The following SH3BGRL variants were observed in gnomAD, a reference collection of about 807,000 sequenced individuals.
The protein encoded by SH3BGRL is adapter SH3BGRL.
Under a neutral mutation model 9.8 loss-of-function variants are expected in SH3BGRL, and 7 were observed. That is an observed-to-expected ratio of 0.72 (90% CI 0.41 to 1.35). The LOEUF is 1.35. Among genes scored for constraint, SH3BGRL ranks in the 40% most tolerant of loss-of-function variants. The pLI is 0.01. For missense variants in SH3BGRL, 73 were observed against 84.4 expected (o/e 0.86, Z 0.53); for synonymous variants, 36 against 29.1 (o/e 1.24, Z -0.76).
chrX:81,246,878 TGAATCTGTA>T (rs2075691494), intron 1 of SH3BGRL, among the ~76,000 whole-genome samples: 1 of 112,414 alleles, frequency 8.9e-6, no homozygotes, highest in Non-Finnish European at 1.9e-5. Flanking sequence ...GCAATAACAT[TGAATCTGTA>T]GATTTCTTTA....
intron 1 of SH3BGRL, among the ~76,000 whole-genome samples, chrX:81,214,724 G>C (rs1461023619): frequency 8.9e-6 from 1 of 111,842 alleles, no homozygotes; most frequent in African/African-American, 3.2e-5. Context: ...ATTTCAAAAA[G>C]CATTTTATTA....
At chrX:81,218,071 C>A (rs934887197) in intron 1 of SH3BGRL, among the ~76,000 whole-genome samples, 1 of 110,791 alleles carries the variant, frequency 9.0e-6, no homozygotes, top group Non-Finnish European at 1.9e-5. Context: ...AATAACTACT[C>A]CTGCTTGCTT....
intron 1 of SH3BGRL, among the ~76,000 whole-genome samples, chrX:81,208,178 C>A (rs1007317755): frequency 1.8e-5 from 2 of 111,070 alleles, no homozygotes; most frequent in Non-Finnish European, 1.9e-5. Context: ...AGGAGAATGG[C>A]CTGAACCCGG....
chrX:81,280,647 A>G (rs1030167063), intron 3 of SH3BGRL, among the ~76,000 whole-genome samples: 5 of 112,004 alleles, frequency 4.5e-5, no homozygotes, highest in Admixed American at 9.4e-5. Context: ...GGAGCACCCC[A>G]TGGGACAAAA....
chrX:81,232,536 T>G (rs2075636047), intron 1 of SH3BGRL, among the ~76,000 whole-genome samples: 1 of 110,857 alleles, frequency 9.0e-6, no homozygotes, highest in Non-Finnish European at 1.9e-5. Context: ...CTCCCAGAAT[T>G]GTTTTTGTTA....
chrX:81,286,523 A>AG (rs1569370947), intron 3 of SH3BGRL, among the ~76,000 whole-genome samples: 2 of 91,374 alleles, frequency 2.2e-5, no homozygotes, highest in African/African-American at 7.4e-5. Flanking sequence ...AAAAAAAAAA[A>AG]AGAGAGGGGA....
chrX:81,226,486 A>G (rs188451581), intron 1 of SH3BGRL, among the ~76,000 whole-genome samples: 2,391 of 102,668 alleles, frequency 0.023, 41 homozygotes, highest in South Asian at 0.15. Flanking sequence ...AGTCTTGGAT[A>G]TATTTATATA....
chrX:81,297,118 G>T, intron 3 of SH3BGRL, 77 bp from the exon 4 acceptor site: 1 of 861,430 alleles, frequency 1.2e-6, no homozygotes, highest in Non-Finnish European at 1.7e-6. Context: ...TGGAACTAAT[G>T]TAGTCTGACT....
intron 1 of SH3BGRL, among the ~76,000 whole-genome samples, chrX:81,269,403 G>A (rs1013652410): frequency 6.3e-5 from 7 of 111,674 alleles, no homozygotes; most frequent in Non-Finnish European, 1.3e-4. Context: ...CTCTTTTAGG[G>A]CAGGCCTGGT....
At chrX:81,292,499 G>A (rs1412225454) in intron 3 of SH3BGRL, among the ~76,000 whole-genome samples, 1 of 111,959 alleles carries the variant, frequency 8.9e-6, no homozygotes, top group East Asian at 2.8e-4. Context: ...GGCTTTTGAT[G>A]GCAGGGGCTG....
intron 3 of SH3BGRL, among the ~76,000 whole-genome samples, chrX:81,286,646 C>A (rs2075835472): frequency 1.8e-5 from 2 of 109,830 alleles, no homozygotes; most frequent in Non-Finnish European, 3.8e-5. Context: ...TAATTAGAAG[C>A]ACTTTAGAGA....
chrX:81,297,301 T>C lies in SH3BGRL; in HGVS notation c.*74T>C. On this transcript the variant is annotated 3_prime_UTR_variant, in exon 4 of 4. Coordinates refer to ENST00000373212, the MANE Select transcript of SH3BGRL (RefSeq NM_003022.3). ...TTTTATAAAATAGCAGAATTAGCTTTGCTTCAAAAGAAATAGGCTTAATGT... is the reference window on the plus strand; with the variant it reads ...TTTTATAAAATAGCAGAATTAGCTTCGCTTCAAAAGAAATAGGCTTAATGT... 1 of 870,077 alleles carries C rather than the reference T, an allele frequency of 1.1e-6. No individual in the cohort carries two copies. Among genetic ancestry groups the C allele is most frequent in the Admixed American group, 2.6e-5 (1 of 38,471 alleles). The allele number at this position is 870,077 out of a possible 1,213,427, so 71.7% of individuals were successfully genotyped here. A position where few individuals can be genotyped will look rare whatever the true frequency, so the allele number is the denominator to read the frequency against.
intron 1 of SH3BGRL, among the ~76,000 whole-genome samples, chrX:81,268,833 T>C (rs1250437376): frequency 2.7e-5 from 3 of 111,255 alleles, no homozygotes; most frequent in Non-Finnish European, 3.8e-5. Flanking sequence ...AGTCTTCCAT[T>C]ATTATTGTGT....
intron 1 of SH3BGRL, among the ~76,000 whole-genome samples, chrX:81,238,029 C>T (rs1454729850): frequency 1.8e-5 from 2 of 109,319 alleles, no homozygotes; most frequent in Non-Finnish European, 3.8e-5. Context: ...AGGACCCAAT[C>T]TTGGCAGCAT....
At chrX:81,219,327 A>G (rs1265246924) in intron 1 of SH3BGRL, among the ~76,000 whole-genome samples, 5 of 110,525 alleles carry the variant, frequency 4.5e-5, no homozygotes, top group Non-Finnish European at 9.5e-5. Flanking sequence ...TTCATTGTAG[A>G]GAGCTTTCAC....
intron 1 of SH3BGRL, among the ~76,000 whole-genome samples, chrX:81,243,572 T>C (rs1382632895): frequency 9.0e-6 from 1 of 111,314 alleles, no homozygotes; most frequent in African/African-American, 3.3e-5. Context: ...GTATAAATGC[T>C]TGTGGGGATA....
chrX:81,221,904 C>T (rs2075601085), intron 1 of SH3BGRL, among the ~76,000 whole-genome samples: 1 of 111,874 alleles, frequency 8.9e-6, no homozygotes, highest in African/African-American at 3.2e-5. Flanking sequence ...ACCTTTATCA[C>T]CATCAAACAT....
chrX:81,205,502 G>A (rs867037025), intron 1 of SH3BGRL, among the ~76,000 whole-genome samples: 39 of 88,949 alleles, frequency 4.4e-4, no homozygotes, highest in African/African-American at 1.5e-3. Flanking sequence ...GTGTGTGTGT[G>A]TGTATATATA....
intron 1 of SH3BGRL, among the ~76,000 whole-genome samples, chrX:81,217,641 A>G (rs1163957436): frequency 1.8e-5 from 2 of 111,229 alleles, no homozygotes; most frequent in Non-Finnish European, 3.8e-5. Flanking sequence ...TCATTTTCTT[A>G]AATTTATTGA....
Sources: allele counts gnomAD v4.1 joint callset (sites outside exome capture counted in the v4.1 genomes callset), GRCh38; gene constraint gnomAD v4.1.1; transcripts MANE v1.5; gene names NCBI Gene and HGNC (gene_info 2026-07-23, HGNC 2026-07-21).